The following PLCXD3 variants were observed in gnomAD, a reference collection of about 807,000 sequenced individuals.
PLCXD3 encodes the protein phosphatidylinositol specific phospholipase C X domain containing 3.
Under a neutral mutation model 25.5 loss-of-function variants are expected in PLCXD3, and 19 were observed. That is an observed-to-expected ratio of 0.75 (90% CI 0.52 to 1.09). The LOEUF (loss-of-function observed/expected upper bound fraction) is 1.09, where lower values mean the gene tolerates loss of function less well. Ranked by LOEUF, PLCXD3 falls within the 50% of genes least tolerant of loss-of-function variation. The pLI is 0.00. For missense variants in PLCXD3, 411 were observed against 388.1 expected (o/e 1.06, Z -0.50); for synonymous variants, 174 against 137.6 (o/e 1.26, Z -1.85).
At position 41,312,940 on chromosome 5, in the gene PLCXD3, C is replaced by G. The variant is rs1452732153; in HGVS notation, c.*677G>C. The G allele has an allele frequency of 6.6e-6, 1 of 152,480 alleles. No homozygotes were observed. Among genetic ancestry groups the G allele is most frequent in the Admixed American group, 6.6e-5 (1 of 15,242 alleles). The allele number at this position is 152,480 out of a possible 1,614,324, so 9.4% of individuals were successfully genotyped here. On this transcript the variant is annotated 3_prime_UTR_variant, in exon 3 of 3. Transcript: ENST00000377801. ...CTCTGAAATTGGCATTCACAGCTCT[C>G]CAAAAACATTTTTCTCCTATATTTA...
At chr5:41,453,656 C>T (rs537557813) in intron 1 of PLCXD3, among the ~76,000 whole-genome samples, 79 of 152,086 alleles carry the variant, frequency 5.2e-4, no homozygotes, top group African/African-American at 1.9e-3. Context: ...TATAGAGAGG[C>T]CAGCACGGCA....
chr5:41,494,442 T>C (rs368845639), intron 1 of PLCXD3, among the ~76,000 whole-genome samples: 2 of 152,280 alleles, frequency 1.3e-5, no homozygotes, highest in Middle Eastern at 3.4e-3. Flanking sequence ...TTTAGAGAAA[T>C]ATTCCACAGA....
chr5:41,490,227 T>C (rs1452791225), intron 1 of PLCXD3, among the ~76,000 whole-genome samples: 1 of 152,234 alleles, frequency 6.6e-6, no homozygotes, highest in Non-Finnish European at 1.5e-5. Context: ...GTTTATATGC[T>C]GGATTACATT....
chr5:41,413,259 A>G (rs1450038865), intron 1 of PLCXD3, among the ~76,000 whole-genome samples: 2 of 152,224 alleles, frequency 1.3e-5, no homozygotes, highest in Non-Finnish European at 2.9e-5. Context: ...TAAATTTTGT[A>G]CAACACAAAG....
chr5:41,455,688 C>G (rs1329566609), intron 1 of PLCXD3, among the ~76,000 whole-genome samples: 2 of 151,922 alleles, frequency 1.3e-5, no homozygotes, highest in Non-Finnish European at 2.9e-5. Flanking sequence ...GCAATCCTAC[C>G]ATGTGAGAGC....
intron 2 of PLCXD3, among the ~76,000 whole-genome samples, chr5:41,316,071 T>C (rs562465725): frequency 1.8e-4 from 28 of 152,200 alleles, no homozygotes; most frequent in Non-Finnish European, 3.8e-4. Context: ...AAACCCAGGC[T>C]GCACAGCTTG....
At chr5:41,395,670 A>G (rs2150497828) in intron 1 of PLCXD3, among the ~76,000 whole-genome samples, 1 of 152,264 alleles carries the variant, frequency 6.6e-6, no homozygotes, top group African/African-American at 2.4e-5. Context: ...AGCAGCTACT[A>G]TGAGCAACTA....
rs1375212876 is a variant in PLCXD3, at chr5:41,509,927, A to C, written c.103+497T>G. 2.6e-5 allele frequency among the ~76,000 whole-genome samples: 4 copies of C among 152,264 alleles called. No homozygotes were observed. The East Asian group carries it at 7.7e-4, about 29-fold the overall frequency. ...GGGAAGCGCTTTGTCTTTTTAAAGG[A>C]GATTGGGGACGAATATTAATGACTG... is the stretch of plus-strand genomic sequence containing the variant. On this transcript the variant is annotated intron_variant, in intron 1 of 2. Coordinates refer to ENST00000377801, the MANE Select transcript of PLCXD3 (RefSeq NM_001005473.3).
intron 1 of PLCXD3, chr5:41,456,426 T>C (rs1175916382): frequency 5.0e-6 from 2 of 401,044 alleles, no homozygotes; most frequent in African/African-American, 4.4e-5. Flanking sequence ...GTACAATGGC[T>C]AACTTTTTTC....
At chr5:41,486,422 C>T (rs1390321416) in intron 1 of PLCXD3, among the ~76,000 whole-genome samples, 1 of 152,042 alleles carries the variant, frequency 6.6e-6, no homozygotes, top group African/African-American at 2.4e-5. Flanking sequence ...CTCATGTCTG[C>T]CCCTCCCACA....
At chr5:41,386,217 CTG>C (rs928794217) in intron 1 of PLCXD3, among the ~76,000 whole-genome samples, 1 of 152,034 alleles carries the variant, frequency 6.6e-6, no homozygotes, top group African/African-American at 2.4e-5. Flanking sequence ...TGCTTGAAAA[CTG>C]TATCAGGTAT....
chr5:41,414,211 G>A (rs1746636867), intron 1 of PLCXD3, among the ~76,000 whole-genome samples: 1 of 85,774 alleles, frequency 1.2e-5, no homozygotes, highest in Non-Finnish European at 2.4e-5. Flanking sequence ...AAGAGAGGGA[G>A]TAGGCATTTT....
chr5:41,362,625 T>C (rs1744819262), intron 2 of PLCXD3, among the ~76,000 whole-genome samples: 1 of 152,204 alleles, frequency 6.6e-6, no homozygotes, highest in Admixed American at 6.5e-5. Context: ...CTTAGGTTTG[T>C]GGATGTCACT....
At chr5:41,399,618 G>C (rs1746118356) in intron 1 of PLCXD3, among the ~76,000 whole-genome samples, 1 of 152,026 alleles carries the variant, frequency 6.6e-6, no homozygotes. Context: ...TCCATAAATA[G>C]TTCTGGGAAA....
Position 41,310,579 on chromosome 5 carries a change from G to A in PLCXD3, c.*3038C>T, listed in dbSNP as rs563944618. 3 of 152,632 alleles carry A rather than the reference G, an allele frequency of 2.0e-5. No individual in the cohort carries two copies. Among genetic ancestry groups the A allele is most frequent in the East Asian group, 1.9e-4 (1 of 5,176 alleles). 9.5% of individuals were successfully genotyped at this position (152,632 alleles called of 1,614,324 possible). A position where few individuals can be genotyped will look rare whatever the true frequency, so the allele number is the denominator to read the frequency against. On this transcript the variant is annotated 3_prime_UTR_variant, in exon 3 of 3. Transcript: ENST00000377801. Reference sequence around the variant, plus strand: ...TGTGCATAGGCTAAGGATAAGCTTCGATTGCATATCACCATTTTTTACTTT... The same window carrying A: ...TGTGCATAGGCTAAGGATAAGCTTCAATTGCATATCACCATTTTTTACTTT...
chr5:41,410,141 C>CTTTTTTTTTTTTTTTTTTT (rs5867553), intron 1 of PLCXD3, among the ~76,000 whole-genome samples: 19 of 121,398 alleles, frequency 1.6e-4, no homozygotes, highest in Non-Finnish European at 2.6e-4. Flanking sequence ...TTTTATTTAT[C>CTTTTTTTTTTTTTTTTTTT]TTTTTTTTTT....
At chr5:41,346,595 T>C (rs1171387293) in intron 2 of PLCXD3, among the ~76,000 whole-genome samples, 3 of 152,082 alleles carry the variant, frequency 2.0e-5, no homozygotes, top group Admixed American at 6.5e-5. Context: ...TATTTATTAA[T>C]TTAACATATA....
chr5:41,320,642 A>C (rs950843697), intron 2 of PLCXD3, among the ~76,000 whole-genome samples: 1 of 152,066 alleles, frequency 6.6e-6, no homozygotes, highest in Non-Finnish European at 1.5e-5. Context: ...GATTACAGGC[A>C]CCCGCCACCA....
chr5:41,485,919 T>C (rs1748508291), intron 1 of PLCXD3, among the ~76,000 whole-genome samples: 1 of 152,178 alleles, frequency 6.6e-6, no homozygotes, highest in Admixed American at 6.6e-5. Flanking sequence ...TTGTTGAAGC[T>C]CATCAGAATA....
Sources: allele counts gnomAD v4.1 joint callset (sites outside exome capture counted in the v4.1 genomes callset), GRCh38; gene constraint gnomAD v4.1.1; transcripts MANE v1.5; gene names NCBI Gene and HGNC (gene_info 2026-07-23, HGNC 2026-07-21).